Variants in ATG2B observed in about 807,000 individuals in gnomAD.
ATG2B encodes the protein autophagy-related protein 2 homolog B.
ATG2B carries 121 observed loss-of-function variants against 241.3 expected under a neutral mutation model. That is an observed-to-expected ratio of 0.50 (90% CI 0.43 to 0.58). The LOEUF (loss-of-function observed/expected upper bound fraction) is 0.58. ATG2B is among the 20% of genes least tolerant of loss of function. ATG2B has a pLI of 0.00. For synonymous variants in ATG2B, 858 were observed against 876.6 expected (o/e 0.98, Z 0.37); for missense variants, 2,306 against 2,491.6 (o/e 0.93, Z 1.59).
At chr14:96,332,772 G>T in intron 8 of ATG2B, 117 bp from the exon 9 acceptor site, 1 of 733,900 alleles carries the variant, frequency 1.4e-6, no homozygotes, top group Non-Finnish European at 1.9e-6. Flanking sequence ...ATACAGCGAT[G>T]CCCCAAATTT....
At position 96,323,588 on chromosome 14, in the gene ATG2B, A is replaced by G. The variant is rs116677359; in HGVS notation, c.2540+308T>C. On this transcript the variant is annotated intron_variant, in intron 16 of 41. Coordinates refer to ENST00000359933, the MANE Select transcript of ATG2B (RefSeq NM_018036.7). ...AACCGAAGTAGATCCAGTCCTTATG[A>G]AACTTGTGCTCTAAACTCATGCTTA... Among the ~76,000 whole-genome samples the G allele has an allele frequency of 7.7e-3, 1,176 of 152,328 alleles. 16 individuals are homozygous for G. The highest frequency in any genetic ancestry group is 0.027 in the African/African-American group (1,123 of 41,576).
At chr14:96,316,481 A>G (rs766244536) in intron 21 of ATG2B, 52 bp downstream of exon 21, 39 of 1,548,492 alleles carry the variant, frequency 2.5e-5, no homozygotes, top group Non-Finnish European at 3.1e-5. Context: ...TTGTTAAACA[A>G]GAAATTTAAA....
At chr14:96,313,286 G>T in intron 24 of ATG2B, 43 bp downstream of exon 24, 3 of 1,442,278 alleles carry the variant, frequency 2.1e-6, no homozygotes, top group Non-Finnish European at 2.9e-6. Flanking sequence ...AAATTTAGTA[G>T]CATTTTAAAT....
At chr14:96,358,759 A>AT (rs143140997) in intron 1 of ATG2B, among the ~76,000 whole-genome samples, 81 of 147,382 alleles carry the variant, frequency 5.5e-4, no homozygotes, top group South Asian at 1.3e-3. Context: ...CCTATCAAGT[A>AT]TTTTTTTTTT....
chr14:96,363,057 C>T lies in ATG2B; in HGVS notation c.-81G>A, dbSNP rs796476665. 13 of 1,544,644 alleles carry T rather than the reference C, an allele frequency of 8.4e-6. No individual in the cohort carries two copies. The African/African-American group carries it at 1.6e-4, about 19-fold the overall frequency. On this transcript the variant is annotated 5_prime_UTR_variant, in exon 1 of 42. Coordinates refer to ENST00000359933, the MANE Select transcript of ATG2B (RefSeq NM_018036.7). ...CGGGGTAGCGACTCCGGCTCCAGGC[C>T]GCGGCGGGGCCTAAGCCTGGGGCGG...
chr14:96,323,915 C>A lies in ATG2B; in HGVS notation c.2521G>T (p.Asp841Tyr). The A allele has an allele frequency of 6.2e-7, 1 of 1,609,744 alleles. No individual in the cohort carries two copies. Among genetic ancestry groups the A allele is most frequent in the East Asian group, 2.2e-5 (1 of 44,788 alleles). The change falls in exon 16 of 42, where the codon GAT becomes TAT. Residue 841 changes from aspartate (D) to tyrosine (Y), a missense_variant. By Grantham distance (160) the Asp-to-Tyr change is radical. Coordinates refer to ENST00000359933, the MANE Select transcript of ATG2B (RefSeq NM_018036.7). ...ACTCACCGTGGCCAGTCAAAGTCAT[C>A]TGACGATGTTGTATCTCCATCTACT... ...SGVDGDTTSS[D>Y]DFDWPRIVLK...
At chr14:96,352,223 G>A (rs528794063) in intron 1 of ATG2B, among the ~76,000 whole-genome samples, 20 of 152,302 alleles carry the variant, frequency 1.3e-4, no homozygotes, top group Non-Finnish European at 2.2e-4. Flanking sequence ...TGATGCTGGT[G>A]TAAATAAACC....
At chr14:96,329,998 C>T (rs767378012) in intron 11 of ATG2B, among the ~76,000 whole-genome samples, 5 of 151,518 alleles carry the variant, frequency 3.3e-5, no homozygotes, top group East Asian at 1.9e-4. Flanking sequence ...TATTTTCTGC[C>T]GCTTTTGTTC....
At chr14:96,299,488 A>G (rs554931485) in intron 34 of ATG2B, among the ~76,000 whole-genome samples, 14 of 152,330 alleles carry the variant, frequency 9.2e-5, no homozygotes, top group Non-Finnish European at 1.6e-4. Context: ...TCCTAATATA[A>G]AACTTGGGAC....
In ATG2B at chr14:96,362,469, T is replaced by C. The variant is rs1333253734; in HGVS notation, c.162+346A>G. Among the ~76,000 whole-genome samples, 4 of 152,162 alleles carry C rather than the reference T, an allele frequency of 2.6e-5. No homozygotes were observed. The East Asian group carries it at 7.7e-4, about 29-fold the overall frequency. On this transcript the variant is annotated intron_variant, in intron 1 of 41. Coordinates refer to ENST00000359933, the MANE Select transcript of ATG2B (RefSeq NM_018036.7). The stretch of plus-strand genomic sequence containing the variant: ...GTCATCCCACAAGGCAGGGTTTGTT[T>C]GCCACAAAACCCTGCGGCCCCTCAC...
In ATG2B at chr14:96,321,927, C is replaced by G. The variant is rs116930495; in HGVS notation, c.2879+185G>C. Among the ~76,000 whole-genome samples, 641 of 152,244 alleles carry G rather than the reference C, an allele frequency of 4.2e-3. 26 individuals are homozygous for G. In the South Asian group the frequency reaches 0.066, roughly 16 times the overall value. ...AATATCTCACACACCCGGCACCACGCTAGTTAGGAAACTCTGCTATGACAA... is the reference window on the plus strand; with the variant it reads ...AATATCTCACACACCCGGCACCACGGTAGTTAGGAAACTCTGCTATGACAA... On this transcript the variant is annotated intron_variant, in intron 18 of 41. Coordinates refer to ENST00000359933, the MANE Select transcript of ATG2B (RefSeq NM_018036.7).
At position 96,316,694 on chromosome 14, in the gene ATG2B, G is replaced by C. The variant is rs760923446; in HGVS notation, c.3211-11C>G. The C allele has an allele frequency of 6.3e-7, 1 of 1,597,678 alleles. No individual in the cohort carries two copies. Among genetic ancestry groups the C allele is most frequent in the Non-Finnish European group, 8.5e-7 (1 of 1,174,268 alleles). ...ATCTCCATTATCTTGCTAGTAAAAA[G>C]ATCAGAAAAACACAGAAGTTATTAC... On this transcript the variant is annotated splice_polypyrimidine_tract_variant and intron_variant, in intron 20 of 41. Coordinates refer to ENST00000359933, the MANE Select transcript of ATG2B (RefSeq NM_018036.7).
In ATG2B at chr14:96,289,685, C is replaced by T; in HGVS notation, c.5977G>A (p.Val1993Met). Residue 1993 changes from valine to methionine, a missense_variant, in exon 41 of 42, where the codon GTG becomes ATG. Coordinates refer to ENST00000359933, the MANE Select transcript of ATG2B (RefSeq NM_018036.7). This position sits in a 1 kb window ranked among gnomAD's most constrained non-coding sequence, Gnocchi z 4.3. ...TTCACAACACTGTAGGCCTTGGCCA[C>T]ACCTTCCCTCAGGTCTACTGGCTGG... ...AHQPVDLREG[V>M]AKAYSVVKEG... The T allele has an allele frequency of 6.2e-7, 1 of 1,614,186 alleles. No homozygotes were observed. The highest frequency in any genetic ancestry group is 8.5e-7 in the Non-Finnish European group (1 of 1,180,026).
At position 96,309,276 on chromosome 14, in the gene ATG2B, G is replaced by T. The variant is rs2289626; in HGVS notation, c.4303+177C>A. Among the ~76,000 whole-genome samples, 90,584 of 152,034 alleles carry T rather than the reference G, an allele frequency of 0.6. 28,620 individuals are homozygous for T. Among genetic ancestry groups the T allele is most frequent in the Non-Finnish European group, 0.71 (48,225 of 67,960 alleles). On this transcript the variant is annotated intron_variant, in intron 29 of 41. Transcript: ENST00000359933. Reference sequence around the variant, plus strand: ...TACTCACTCTGCATTCCCGACACCAGCCTGGCCAGAGTTACCTATTTACTA... The same window carrying T: ...TACTCACTCTGCATTCCCGACACCATCCTGGCCAGAGTTACCTATTTACTA...
At chr14:96,353,040 T>C (rs1356986356) in intron 1 of ATG2B, among the ~76,000 whole-genome samples, 1 of 152,226 alleles carries the variant, frequency 6.6e-6, no homozygotes, top group African/African-American at 2.4e-5. Context: ...GCCATATTTG[T>C]ACATACCTTT....
chr14:96,308,268 A>ATATATATATATG (rs1487555935), intron 29 of ATG2B, among the ~76,000 whole-genome samples: 468 of 15,302 alleles, frequency 0.031, 17 homozygotes, highest in Non-Finnish European at 0.048. Context: ...ATATATATAT[A>ATATATATATATG]TATATATATA....
At chr14:96,312,280 A>T in intron 25 of ATG2B, 121 bp from the exon 26 acceptor site, 1 of 684,240 alleles carries the variant, frequency 1.5e-6, no homozygotes, top group Non-Finnish European at 2.5e-6. Flanking sequence ...AATCATAAGC[A>T]GTTTCTAACT....
At position 96,322,646 on chromosome 14, in the gene ATG2B, T is replaced by A; in HGVS notation, c.2630A>T (p.Gln877Leu). The change falls in exon 17 of 42, where the codon CAG becomes CTG. Residue 877 changes from glutamine (Q) to leucine (L), a missense_variant. This residue lies in a region of ATG2B where 1,927 missense variants were observed against 2,011.2 expected (regional missense o/e 0.96). Coordinates refer to ENST00000359933, the MANE Select transcript of ATG2B (RefSeq NM_018036.7). ...EEEEENDGHY[Q>L]EEEEGGAHSL... ...ATGAGCACCTCCTTCCTCTTCCTCC[T>A]GGTAGTGACCATCATTCTCCTCTTC... is the stretch of plus-strand genomic sequence containing the variant. 1 of 1,613,840 alleles carries A rather than the reference T, an allele frequency of 6.2e-7. No individual in the cohort carries two copies. Among genetic ancestry groups the A allele is most frequent in the Non-Finnish European group, 8.5e-7 (1 of 1,179,866 alleles).
chr14:96,362,845 C>A lies in ATG2B; in HGVS notation c.132G>T (p.Gly44=), dbSNP rs772719296. ...QLSLDLYQGT[G]SLAQVPLDKW... ...TGTCCAAGGGGACCTGGGCGAGGGA[C>A]CCGGTGCCTTGGTACAGGTCCAGGC... The change falls in exon 1 of 42, where the codon GGG becomes GGT. Residue 44 remains glycine (G), a synonymous_variant. Transcript: ENST00000359933. The A allele has an allele frequency of 6.2e-7, 1 of 1,610,744 alleles. No individual in the cohort carries two copies. The highest frequency in any genetic ancestry group is 1.1e-5 in the South Asian group (1 of 90,954).
Sources: allele counts gnomAD v4.1 joint callset (sites outside exome capture counted in the v4.1 genomes callset), GRCh38; gene constraint gnomAD v4.1.1; regional missense constraint gnomAD v4.1.1; non-coding constraint Gnocchi (gnomAD v3.1); transcripts MANE v1.5; gene names NCBI Gene and HGNC (gene_info 2026-07-23, HGNC 2026-07-21).